RPRD1B: variants seen among roughly 807,000 people sequenced by gnomAD.
The protein encoded by RPRD1B is regulation of nuclear pre-mRNA domain containing 1B.
A neutral mutation model predicts 41.5 loss-of-function variants in RPRD1B; 11 were observed. That is an observed-to-expected ratio of 0.27 (90% CI 0.17 to 0.44). The LOEUF (loss-of-function observed/expected upper bound fraction) is 0.44, where lower values mean the gene tolerates loss of function less well. RPRD1B is among the 20% of genes least tolerant of loss of function. RPRD1B has a pLI of 1.00. For missense variants in RPRD1B, 248 were observed against 389.9 expected (o/e 0.64, Z 3.06); for synonymous variants, 158 against 155.6 (o/e 1.02, Z -0.12).
chr20:38,045,840 G>A (rs1201933912), intron 2 of RPRD1B, among the ~76,000 whole-genome samples: 1 of 152,158 alleles, frequency 6.6e-6, no homozygotes, highest in Non-Finnish European at 1.5e-5. Context: ...CTGATTAGTT[G>A]CAATTTGGTT....
chr20:38,066,228 T>C lies in RPRD1B; in HGVS notation c.803T>C (p.Val268Ala). The C allele has an allele frequency of 6.2e-7, 1 of 1,614,116 alleles. No homozygotes were observed. The highest frequency in any genetic ancestry group is 8.5e-7 in the Non-Finnish European group (1 of 1,180,000). Residue 268 changes from valine to alanine, a missense_variant, in exon 6 of 7, where the codon GTT (valine) becomes GCT (alanine). Transcript: ENST00000373433. ...GAGTATACCCAGAATCAGAAAGATG[T>C]TTTGTCGGAGAAGGAGAAAAAACTA... is the stretch of plus-strand genomic sequence containing the variant. ...LVEYTQNQKDVLSEKEKKLEE... is the reference protein window; with the variant it reads ...LVEYTQNQKDALSEKEKKLEE...
chr20:38,058,411 T>C (rs2074264996), intron 4 of RPRD1B, among the ~76,000 whole-genome samples: 2 of 89,508 alleles, frequency 2.2e-5, no homozygotes, highest in Admixed American at 2.6e-4. Flanking sequence ...CATATATCTT[T>C]GGATTTAAAC....
In RPRD1B at chr20:38,037,136, T is replaced by C. The variant is rs141650585; in HGVS notation, c.151+3038T>C. On this transcript the variant is annotated intron_variant, in intron 1 of 6. Transcript: ENST00000373433. ...CTGTCTCTGAGTTGCCTTCAAAATA[T>C]ATGAGATTTATAAAAATTAACTTTT... Among the ~76,000 whole-genome samples, 524 of 152,350 alleles carry C rather than the reference T, an allele frequency of 3.4e-3. 2 individuals are homozygous for C. Among genetic ancestry groups the C allele is most frequent in the African/African-American group, 0.012 (495 of 41,580 alleles).
chr20:38,036,698 A>C (rs2074007227), intron 1 of RPRD1B, among the ~76,000 whole-genome samples: 2 of 152,244 alleles, frequency 1.3e-5, no homozygotes, highest in Admixed American at 1.3e-4. Context: ...TAAAGGATAT[A>C]AACAGCGCTA....
intron 3 of RPRD1B, among the ~76,000 whole-genome samples, chr20:38,052,276 C>T (rs116979590): frequency 3.3e-5 from 5 of 152,266 alleles, no homozygotes; most frequent in Non-Finnish European, 7.4e-5. Flanking sequence ...TATATATGAA[C>T]TGGTCGCAAA....
At chr20:38,051,804 T>C (rs954129661) in intron 3 of RPRD1B, among the ~76,000 whole-genome samples, 1 of 152,076 alleles carries the variant, frequency 6.6e-6, no homozygotes, top group African/African-American at 2.4e-5. Flanking sequence ...CAGGCTGGAG[T>C]GCAATGGCGG....
intron 6 of RPRD1B, among the ~76,000 whole-genome samples, chr20:38,076,936 T>TTTTTTTTTTTA (rs2074467656): frequency 8.1e-6 from 1 of 123,340 alleles, no homozygotes; most frequent in Non-Finnish European, 1.7e-5. Flanking sequence ...TTTTTTTTTT[T>TTTTTTTTTTTA]GAGATGGAGT....
At chr20:38,052,755 T>G (rs77794427) in intron 3 of RPRD1B, among the ~76,000 whole-genome samples, 3 of 46,400 alleles carry the variant, frequency 6.5e-5, no homozygotes, top group Non-Finnish European at 8.8e-5. Flanking sequence ...ACGCGGTGTT[T>G]TTTTTTTTTT....
At chr20:38,036,007 C>T (rs561279307) in intron 1 of RPRD1B, among the ~76,000 whole-genome samples, 4 of 151,994 alleles carry the variant, frequency 2.6e-5, no homozygotes, top group South Asian at 4.2e-4. Context: ...CTTGTGATGC[C>T]CCCGCCTCGG....
chr20:38,086,846 G>A (rs1394647166), intron 6 of RPRD1B, among the ~76,000 whole-genome samples: 3 of 152,120 alleles, frequency 2.0e-5, no homozygotes, highest in African/African-American at 4.8e-5. Context: ...GAGTTTCTTC[G>A]GTAATGTCCA....
chr20:38,039,943 A>C (rs1022252260), intron 1 of RPRD1B, among the ~76,000 whole-genome samples: 1 of 152,074 alleles, frequency 6.6e-6, no homozygotes, highest in Admixed American at 6.5e-5. Flanking sequence ...CATGTTGGCC[A>C]GGCTGGTCTC....
chr20:38,055,794 G>A (rs2074234182), intron 3 of RPRD1B, among the ~76,000 whole-genome samples: 1 of 152,162 alleles, frequency 6.6e-6, no homozygotes, highest in Non-Finnish European at 1.5e-5. Context: ...TGCTGTCTTT[G>A]TGTGACCTGC....
In RPRD1B at chr20:38,090,289, C is replaced by T. The variant is rs776598140; in HGVS notation, c.*414C>T. 4.0e-6 allele frequency: 4 copies of T among 988,400 alleles called. No individual in the cohort carries two copies. Among genetic ancestry groups the T allele is most frequent in the South Asian group, 4.7e-5 (1 of 21,462 alleles). The allele number at this position is 988,400 out of a possible 1,614,324, so 61.2% of individuals were successfully genotyped here. A position where few individuals can be genotyped will look rare whatever the true frequency, so the allele number is the denominator to read the frequency against. On this transcript the variant is annotated 3_prime_UTR_variant, in exon 7 of 7. Coordinates refer to ENST00000373433, the MANE Select transcript of RPRD1B (RefSeq NM_021215.4). ...TTTCTGGGCTGGGCTTGTTCAAGTT[C>T]GGTGTGGGCTTCCACTAAGGCACTT...
intron 6 of RPRD1B, among the ~76,000 whole-genome samples, chr20:38,069,057 T>C (rs1466344161): frequency 1.3e-5 from 2 of 152,258 alleles, no homozygotes; most frequent in Non-Finnish European, 2.9e-5. Context: ...AGTAGTTATT[T>C]GCTTGCGAGT....
intron 5 of RPRD1B, among the ~76,000 whole-genome samples, chr20:38,062,590 A>C (rs922037236): frequency 6.6e-6 from 1 of 152,138 alleles, no homozygotes; most frequent in African/African-American, 2.4e-5. Flanking sequence ...CAAAACCAGC[A>C]TCTGATATCC....
At position 38,066,098 on chromosome 20, in the gene RPRD1B, C is replaced by T. The variant is rs1568655667; in HGVS notation, c.673C>T (p.Arg225Cys). Reference sequence around the variant, plus strand: ...GTACTTAGACAAAGAGGCAGCTGAACGTCTTTCAAAAACAGTAGATGAAGC... The same window carrying T: ...GTACTTAGACAAAGAGGCAGCTGAATGTCTTTCAAAAACAGTAGATGAAGC... ...EKITDKEAAE[R>C]LSKTVDEACL... Residue 225 changes from arginine (R) to cysteine (C), a missense_variant, in exon 6 of 7, where the codon CGT becomes TGT. Transcript: ENST00000373433. The T allele has an allele frequency of 2.5e-6, 4 of 1,614,012 alleles. No individual in the cohort carries two copies. The highest frequency in any genetic ancestry group is 1.1e-5 in the South Asian group (1 of 91,056).
intron 6 of RPRD1B, among the ~76,000 whole-genome samples, chr20:38,066,946 C>T (rs191766025): frequency 1.2e-4 from 18 of 152,310 alleles, no homozygotes; most frequent in East Asian, 5.8e-4. Context: ...TGAGCCACCG[C>T]GCCCAGCCGT....
chr20:38,092,254 G>A lies in RPRD1B; in HGVS notation c.*2379G>A. Reference sequence around the variant, plus strand: ...AAGAATATTTTCAAAGCTTAAATTTGTATATTAATTTAGGACTATTTAGAA... The same window carrying A: ...AAGAATATTTTCAAAGCTTAAATTTATATATTAATTTAGGACTATTTAGAA... On this transcript the variant is annotated 3_prime_UTR_variant, in exon 7 of 7. Coordinates refer to ENST00000373433, the MANE Select transcript of RPRD1B (RefSeq NM_021215.4). The A allele has an allele frequency of 1.0e-6, 1 of 984,166 alleles. No homozygotes were observed. The highest frequency in any genetic ancestry group is 1.2e-6 in the Non-Finnish European group (1 of 828,530). The allele number at this position is 984,166 out of a possible 1,614,324, so 61.0% of individuals were successfully genotyped here. A position where few individuals can be genotyped will look rare whatever the true frequency, so the allele number is the denominator to read the frequency against.
In RPRD1B at chr20:38,044,126, C is replaced by CA. The variant is rs1337406479; in HGVS notation, c.281+3563dup. ...GCTAAAGGATCCAAAGCAGCAGCAG[C>CA]AGCAGAGGGTGATGTGCATGCAGTA... On this transcript the variant is annotated intron_variant, in intron 2 of 6. Transcript: ENST00000373433. 3.3e-5 allele frequency among the ~76,000 whole-genome samples: 5 copies of CA among 152,322 alleles called. No individual in the cohort carries two copies. The East Asian group carries it at 9.6e-4, about 29-fold the overall frequency.
Sources: gnomAD v4.1 joint callset for allele counts (sites outside exome capture counted in the v4.1 genomes callset) on GRCh38, gnomAD v4.1.1 for gene constraint, MANE v1.5 for transcripts, NCBI Gene and HGNC (gene_info 2026-07-23, HGNC 2026-07-21) for gene names.